The following ELMO1 variants were observed in gnomAD, a reference collection of about 807,000 sequenced individuals.
ELMO1 encodes engulfment and cell motility protein 1.
In ELMO1, 26 loss-of-function variants were observed where a neutral mutation model predicts 98.9. The ratio of observed to expected loss-of-function variants is 0.26; its 90% confidence interval spans 0.19 to 0.36. The LOEUF is 0.36. ELMO1 is among the 10% of genes least tolerant of loss of function. The pLI, the probability that ELMO1 is intolerant of heterozygous loss-of-function variation, is 1.00. For missense variants in ELMO1, 627 were observed against 935.2 expected (o/e 0.67, Z 4.30); for synonymous variants, 346 against 346.0 (o/e 1.00, Z 0.00).
chr7:37,375,727 T>C (rs1583648649), intron 1 of ELMO1: 1 of 1,236,936 alleles, frequency 8.1e-7, no homozygotes, highest in Admixed American at 1.7e-5. Flanking sequence ...ACACTTCTAC[T>C]GGTACCTTAC....
intron 13 of ELMO1, among the ~76,000 whole-genome samples, chr7:37,155,503 A>AAAATAAAT (rs1554427528): frequency 7.6e-6 from 1 of 131,738 alleles, no homozygotes; most frequent in East Asian, 2.2e-4. Context: ...AAAAAAAAAA[A>AAAATAAAT]AAAAAGCAGG....
rs375118474 is a variant in ELMO1, at chr7:37,423,909, T to C, written c.-74+24766A>G. Among the ~76,000 whole-genome samples, 7 of 152,242 alleles carry C rather than the reference T, an allele frequency of 4.6e-5. No individual in the cohort carries two copies. The South Asian group carries it at 1.2e-3, about 27-fold the overall frequency. ...CTAAAACACCCATCTCTGAAAGTGA[T>C]GATGCCCTTCCCTTAAACTAAATGA... On this transcript the variant is annotated intron_variant, in intron 1 of 21. Coordinates refer to ENST00000310758, the MANE Select transcript of ELMO1 (RefSeq NM_014800.11).
intron 15 of ELMO1, among the ~76,000 whole-genome samples, chr7:37,087,859 A>G (rs553790160): frequency 2.6e-5 from 4 of 152,254 alleles, no homozygotes; most frequent in Admixed American, 6.5e-5. Context: ...ATTAATAAAC[A>G]GTAGAAAGCA....
chr7:36,914,698 G>A (rs1019292801), intron 16 of ELMO1, among the ~76,000 whole-genome samples: 13 of 152,040 alleles, frequency 8.6e-5, no homozygotes, highest in Admixed American at 5.9e-4. Flanking sequence ...ATTTTTAGTA[G>A]AGACGGGGTT....
intron 1 of ELMO1, among the ~76,000 whole-genome samples, chr7:37,372,889 TATC>T (rs1802171305): frequency 6.6e-6 from 1 of 152,212 alleles, no homozygotes; most frequent in Non-Finnish European, 1.5e-5. Flanking sequence ...AGGGAACAAT[TATC>T]ATGAGATAAC....
At chr7:37,057,939 C>A (rs1796472787) in intron 15 of ELMO1, among the ~76,000 whole-genome samples, 1 of 152,202 alleles carries the variant, frequency 6.6e-6, no homozygotes, top group Non-Finnish European at 1.5e-5. Context: ...ATACCATTAC[C>A]ACCATTTAAT....
chr7:37,412,762 C>A (rs73693573), intron 1 of ELMO1, among the ~76,000 whole-genome samples: 10,321 of 152,172 alleles, frequency 0.068, 584 homozygotes, highest in East Asian at 0.15. Context: ...AAAAAAGATG[C>A]CACATGATTG....
At chr7:37,196,036 A>G (rs1468329436) in intron 13 of ELMO1, among the ~76,000 whole-genome samples, 2 of 152,226 alleles carry the variant, frequency 1.3e-5, no homozygotes, top group Admixed American at 6.5e-5. Context: ...ATGAGCACTC[A>G]GGACCTGTCA....
intron 1 of ELMO1, among the ~76,000 whole-genome samples, chr7:37,441,982 G>C (rs1805432419): frequency 6.6e-6 from 1 of 152,136 alleles, no homozygotes; most frequent in Non-Finnish European, 1.5e-5. Context: ...TGAAAGTCTA[G>C]ACTATCTGAT....
rs191324979 is a variant in ELMO1, at chr7:37,262,157, C to T, written c.244-2807G>A. Among the ~76,000 whole-genome samples, 300 of 152,096 alleles carry T rather than the reference C, an allele frequency of 2.0e-3. 1 individual carries two copies. The highest frequency in any genetic ancestry group is 7.0e-3 in the African/African-American group (292 of 41,474). On this transcript the variant is annotated intron_variant, in intron 5 of 21. Transcript: ENST00000310758. ...TTCATTTACATGCCTTCATACTTAC[C>T]TACTTAAAAGTAAATAAATAAATTT...
intron 15 of ELMO1, among the ~76,000 whole-genome samples, chr7:37,056,876 T>A (rs1053989098): frequency 4.6e-5 from 7 of 152,198 alleles, no homozygotes; most frequent in Non-Finnish European, 8.8e-5. Context: ...CTTGGGCCAG[T>A]TACTGCACCT....
intron 14 of ELMO1, among the ~76,000 whole-genome samples, chr7:37,105,648 G>T (rs1328120993): frequency 6.6e-6 from 1 of 152,158 alleles, no homozygotes; most frequent in African/African-American, 2.4e-5. Flanking sequence ...ACCACACTGT[G>T]GGAACCACTG....
intron 16 of ELMO1, among the ~76,000 whole-genome samples, chr7:36,996,695 G>A (rs1027101880): frequency 1.3e-5 from 2 of 152,176 alleles, no homozygotes; most frequent in African/African-American, 4.8e-5. Context: ...GAACATAAGA[G>A]GGAAAATTCC....
chr7:37,166,368 G>A (rs1789690958), intron 13 of ELMO1, among the ~76,000 whole-genome samples: 1 of 151,936 alleles, frequency 6.6e-6, no homozygotes, highest in South Asian at 2.1e-4. Context: ...GTTATTTCTT[G>A]CCTTCTGCTA....
intron 13 of ELMO1, among the ~76,000 whole-genome samples, chr7:37,139,635 T>C (rs1033636927): frequency 6.6e-6 from 1 of 152,148 alleles, no homozygotes; most frequent in African/African-American, 2.4e-5. Context: ...AAAACGACCA[T>C]ACTGTCAAAA....
At chr7:37,298,154 T>C (rs978414102) in intron 4 of ELMO1, among the ~76,000 whole-genome samples, 2 of 152,154 alleles carry the variant, frequency 1.3e-5, no homozygotes, top group African/African-American at 4.8e-5. Flanking sequence ...AGTAAAGTGG[T>C]ACCTCATTTT....
intron 16 of ELMO1, among the ~76,000 whole-genome samples, chr7:36,973,852 G>T (rs1030505576): frequency 6.6e-6 from 1 of 152,238 alleles, no homozygotes; most frequent in Admixed American, 6.5e-5. Flanking sequence ...CGGCCCTGCC[G>T]TTGCCGAGCA....
intron 18 of ELMO1, 61 bp downstream of exon 18, chr7:36,887,499 T>C: frequency 9.4e-6 from 14 of 1,494,574 alleles, no homozygotes; most frequent in Non-Finnish European, 1.3e-5. Context: ...CCCTTGTGAT[T>C]CTCCAGGGAG....
At chr7:37,077,259 G>A (rs1259593017) in intron 15 of ELMO1, among the ~76,000 whole-genome samples, 1 of 152,230 alleles carries the variant, frequency 6.6e-6, no homozygotes, top group Non-Finnish European at 1.5e-5. Context: ...GCGAAGGGCA[G>A]GATTAAGCCC....
Sources: allele counts gnomAD v4.1 joint callset (sites outside exome capture counted in the v4.1 genomes callset), GRCh38; gene constraint gnomAD v4.1.1; transcripts MANE v1.5; gene names NCBI Gene and HGNC (gene_info 2026-07-23, HGNC 2026-07-21).